Variants in ACACA observed in about 807,000 individuals in gnomAD.
ACACA encodes acetyl-CoA carboxylase 1.
In ACACA, 103 loss-of-function variants were observed where a neutral mutation model predicts 296.1. The observed-to-expected ratio is 0.35, with a 90% CI of 0.30 to 0.41. The LOEUF (loss-of-function observed/expected upper bound fraction) is 0.41, where lower values mean the gene tolerates loss of function less well. Among genes scored for constraint, ACACA ranks in the 10% least tolerant of loss-of-function variants. The pLI is 1.00. For synonymous variants in ACACA, 953 were observed against 1,038.6 expected (o/e 0.92, Z 1.58); for missense variants, 1,554 against 2,989.7 (o/e 0.52, Z 11.20).
intron 3 of ACACA, among the ~76,000 whole-genome samples, chr17:37,293,432 G>T (rs1345223741): frequency 6.6e-6 from 1 of 151,512 alleles, no homozygotes; most frequent in African/African-American, 2.4e-5. Flanking sequence ...AAGCATTATA[G>T]ATAAGAACAA....
chr17:37,336,441 C>A (rs1019607660), intron 2 of ACACA, among the ~76,000 whole-genome samples: 1 of 152,178 alleles, frequency 6.6e-6, no homozygotes, highest in African/African-American at 2.4e-5. Context: ...CCTTTAAACA[C>A]CGGGCTTGCA....
Position 37,228,987 on chromosome 17 carries a change from CA to C in ACACA, c.3247-2536del, listed in dbSNP as rs561590126. Among the ~76,000 whole-genome samples, 300 of 151,804 alleles carry C rather than the reference CA, an allele frequency of 2.0e-3. 1 individual carries two copies. The highest frequency in any genetic ancestry group is 4.8e-3 in the Admixed American group (74 of 15,262). On this transcript the variant is annotated intron_variant, in intron 25 of 55. Transcript: ENST00000616317. ...TTGAAACCCGTCTCTACTAAAAATA[CA>C]AAAAAATTAGCCGGGCGTGGTGGCG...
chr17:37,406,352 T>G lies in ACACA; in HGVS notation c.-53A>C. On this transcript the variant is annotated 5_prime_UTR_variant, in exon 1 of 56. Transcript: ENST00000616317. ...CCTCTGAAGCCCAAAGAGGGGATGGTTCTTTCCAAAGAAGACAATTTCGAC... is the reference window on the plus strand; with the variant it reads ...CCTCTGAAGCCCAAAGAGGGGATGGGTCTTTCCAAAGAAGACAATTTCGAC... 3.1e-6 allele frequency: 5 copies of G among 1,598,310 alleles called. No homozygotes were observed. The highest frequency in any genetic ancestry group is 2.2e-5 in the South Asian group (2 of 90,820).
At chr17:37,269,762 G>GAAAAAA (rs1567915541) in intron 10 of ACACA, among the ~76,000 whole-genome samples, 3 of 80,582 alleles carry the variant, frequency 3.7e-5, no homozygotes, top group African/African-American at 2.8e-4. Flanking sequence ...GTGTTTTAAG[G>GAAAAAA]GAAAAAAAAA....
chr17:37,358,995 T>C (rs1344409946), intron 1 of ACACA: 2 of 985,338 alleles, frequency 2.0e-6, no homozygotes, highest in African/African-American at 3.5e-5. Context: ...GGCCCTCACC[T>C]CACCTCAGGG....
At chr17:37,281,633 C>A (rs146072136) in intron 5 of ACACA, among the ~76,000 whole-genome samples, 1 of 151,940 alleles carries the variant, frequency 6.6e-6, no homozygotes, top group African/African-American at 2.4e-5. Context: ...TTTGGGAGGC[C>A]AAGGCAGGTG....
chr17:37,286,179 C>T (rs1469147386), intron 3 of ACACA, among the ~76,000 whole-genome samples: 1 of 152,130 alleles, frequency 6.6e-6, no homozygotes, highest in Non-Finnish European at 1.5e-5. Flanking sequence ...CATGAGCCAC[C>T]GCGCCTGGCT....
intron 36 of ACACA, 109 bp from the exon 37 acceptor site, chr17:37,192,414 G>A (rs2077797016): frequency 9.5e-7 from 1 of 1,048,466 alleles, no homozygotes; most frequent in Non-Finnish European, 1.4e-6. Context: ...AAGCTATGAT[G>A]TGCTAATGAG....
chr17:37,217,133 C>T (rs533808772), intron 29 of ACACA, among the ~76,000 whole-genome samples: 3 of 151,630 alleles, frequency 2.0e-5, no homozygotes, highest in Admixed American at 6.6e-5. Context: ...TGGTGGTGTA[C>T]GCCTGTAATC....
chr17:37,187,989 G>A (rs1395073799), intron 39 of ACACA, among the ~76,000 whole-genome samples: 2 of 152,164 alleles, frequency 1.3e-5, no homozygotes, highest in African/African-American at 4.8e-5. Flanking sequence ...TAAAAAAAGA[G>A]CCTAAATTGC....
At chr17:37,215,711 G>A (rs1300930466) in intron 29 of ACACA, among the ~76,000 whole-genome samples, 3 of 152,118 alleles carry the variant, frequency 2.0e-5, no homozygotes, top group African/African-American at 7.2e-5. Flanking sequence ...AGTGTAACAA[G>A]CTTTCCCATC....
intron 25 of ACACA, among the ~76,000 whole-genome samples, chr17:37,233,026 T>C (rs951976223): frequency 6.6e-6 from 1 of 152,108 alleles, no homozygotes; most frequent in Non-Finnish European, 1.5e-5. Context: ...GTAATCAGGA[T>C]GACAAGGTGG....
At chr17:37,326,916 T>C (rs1305552497) in intron 3 of ACACA, among the ~76,000 whole-genome samples, 1 of 152,146 alleles carries the variant, frequency 6.6e-6, no homozygotes, top group African/African-American at 2.4e-5. Flanking sequence ...ATCATCTCCA[T>C]CGCAGGAAAA....
chr17:37,279,116 C>T (rs950033947), intron 5 of ACACA, among the ~76,000 whole-genome samples: 1 of 151,916 alleles, frequency 6.6e-6, no homozygotes, highest in African/African-American at 2.4e-5. Context: ...CAAATCAAAA[C>T]CATAATGAGA....
intron 49 of ACACA, 48 bp downstream of exon 49, chr17:37,122,483 G>A (rs1232419588): frequency 2.7e-6 from 4 of 1,487,670 alleles, no homozygotes; most frequent in Non-Finnish European, 3.8e-6. Flanking sequence ...GCACTGCGAA[G>A]AGAAAAACCC....
intron 3 of ACACA, among the ~76,000 whole-genome samples, chr17:37,288,496 C>A (rs915919585): frequency 2.0e-5 from 3 of 152,268 alleles, no homozygotes; most frequent in Middle Eastern, 6.8e-3. Flanking sequence ...CTGTGGGAAC[C>A]GACTGCAAGG....
chr17:37,351,565 T>C (rs1339895291), intron 1 of ACACA, among the ~76,000 whole-genome samples: 1 of 152,214 alleles, frequency 6.6e-6, no homozygotes, highest in East Asian at 1.9e-4. Flanking sequence ...CCTCAATTAA[T>C]TCCATGCTAC....
chr17:37,113,683 T>C lies in ACACA; in HGVS notation c.6275-418A>G, dbSNP rs1045278839. Among the ~76,000 whole-genome samples, 2 of 152,380 alleles carry C rather than the reference T, an allele frequency of 1.3e-5. No individual in the cohort carries two copies. Among genetic ancestry groups the C allele is most frequent in the South Asian group, 2.1e-4 (1 of 4,830 alleles). ...TACCTCTTTTCAGTTATTCTCATGA[T>C]GCTTAGCATAGGATGAGCTCTTCAA... On this transcript the variant is annotated intron_variant, in intron 50 of 55. Transcript: ENST00000616317. This position sits in a 1 kb window ranked among gnomAD's most constrained non-coding sequence, Gnocchi z 4.0.
At chr17:37,174,020 ATTTTTTT>A (rs71159693) in intron 41 of ACACA, among the ~76,000 whole-genome samples, 13 of 16,792 alleles carry the variant, frequency 7.7e-4, no homozygotes, top group South Asian at 3.9e-3. Context: ...ATATATATAT[ATTTTTTT>A]TTTTTTTTTT....
Sources: gnomAD v4.1 joint callset for allele counts (sites outside exome capture counted in the v4.1 genomes callset) on GRCh38, gnomAD v4.1.1 for gene constraint, Gnocchi (gnomAD v3.1) non-coding constraint, MANE v1.5 for transcripts, NCBI Gene and HGNC (gene_info 2026-07-23, HGNC 2026-07-21) for gene names.